Variants in LRRC69 observed in about 807,000 individuals in gnomAD.
LRRC69 encodes leucine rich repeat containing 69.
Under a neutral mutation model 37.8 loss-of-function variants are expected in LRRC69, and 42 were observed. The ratio of observed to expected loss-of-function variants is 1.11; its 90% CI spans 0.87 to 1.44. The LOEUF (loss-of-function observed/expected upper bound fraction) is 1.44, where lower values mean the gene tolerates loss of function less well. Among genes scored for constraint, LRRC69 ranks in the 40% most tolerant of loss-of-function variants. The pLI, the probability that LRRC69 is intolerant of heterozygous loss-of-function variation, is 0.00. For synonymous variants in LRRC69, 141 were observed against 143.1 expected, an observed-to-expected ratio of 0.99 and a Z score of 0.11; for missense variants, 357 against 401.9, an observed-to-expected ratio of 0.89 and a Z score of 0.96.
chr8:91,153,062 G>A (rs10097740), intron 5 of LRRC69, among the ~76,000 whole-genome samples: 4,781 of 151,250 alleles, frequency 0.032, 239 homozygotes, highest in African/African-American at 0.11. Context: ...GCAGATAAAA[G>A]CAGAGGTTGC....
intron 6 of LRRC69, among the ~76,000 whole-genome samples, chr8:91,191,921 T>G (rs140581712): frequency 0.011 from 1,738 of 152,040 alleles, 15 homozygotes; most frequent in South Asian, 0.035. Flanking sequence ...TGCACACATG[T>G]GCCATGCTGG....
chr8:91,134,165 C>T (rs1813862595), intron 4 of LRRC69, among the ~76,000 whole-genome samples: 1 of 151,036 alleles, frequency 6.6e-6, no homozygotes, highest in African/African-American at 2.4e-5. Context: ...CAGGAAGTGA[C>T]AGGGCAGGAG....
chr8:91,154,431 A>T (rs1328881746), intron 5 of LRRC69, among the ~76,000 whole-genome samples: 1 of 151,390 alleles, frequency 6.6e-6, no homozygotes, highest in Non-Finnish European at 1.5e-5. Flanking sequence ...AACAAAAAAA[A>T]CTTCAGGCCA....
chr8:91,204,877 T>C (rs1018656932), intron 7 of LRRC69, among the ~76,000 whole-genome samples: 1 of 152,216 alleles, frequency 6.6e-6, no homozygotes, highest in African/African-American at 2.4e-5. Context: ...AAGGACAACT[T>C]TTTTTCCACC....
intron 5 of LRRC69, among the ~76,000 whole-genome samples, chr8:91,148,958 A>G (rs777709605): frequency 1.1e-4 from 16 of 151,476 alleles, no homozygotes; most frequent in Non-Finnish European, 2.2e-4. Context: ...AATTTGTTTG[A>G]GTTCTTTGTA....
At chr8:91,175,036 T>C (rs1477391094) in intron 5 of LRRC69, among the ~76,000 whole-genome samples, 1 of 152,158 alleles carries the variant, frequency 6.6e-6, no homozygotes, top group Admixed American at 6.5e-5. Flanking sequence ...TTTAGAAATA[T>C]TGGAGGGACT....
At chr8:91,131,235 C>CTTT (rs35337686) in intron 3 of LRRC69, among the ~76,000 whole-genome samples, 12 of 140,224 alleles carry the variant, frequency 8.6e-5, no homozygotes, top group Admixed American at 1.4e-4. Context: ...ATTGATTTGT[C>CTTT]TTTTTTTTTT....
intron 1 of LRRC69, among the ~76,000 whole-genome samples, chr8:91,116,472 T>C (rs548196868): frequency 2.6e-4 from 40 of 152,124 alleles, no homozygotes; most frequent in African/African-American, 9.1e-4. Flanking sequence ...AAAATGAGAA[T>C]TTCATGTATT....
Position 91,213,847 on chromosome 8 carries a change from T to C in LRRC69, c.934-5043T>C, listed in dbSNP as rs540680245. Among the ~76,000 whole-genome samples, 7 of 152,222 alleles carry C rather than the reference T, an allele frequency of 4.6e-5. No homozygotes were observed. In the East Asian group the frequency reaches 1.2e-3, roughly 25 times the overall value. On this transcript the variant is annotated intron_variant, in intron 7 of 7. Coordinates refer to ENST00000448384, the Ensembl canonical transcript of LRRC69. ...TAAATCATGTTCATAGGGCAGTGAA[T>C]CAGTTAGGTTGGTTTGTGGATAGGA...
At chr8:91,197,066 G>C (rs951623213) in intron 6 of LRRC69, among the ~76,000 whole-genome samples, 2 of 151,842 alleles carry the variant, frequency 1.3e-5, no homozygotes, top group African/African-American at 4.8e-5. Flanking sequence ...TAACAGACAG[G>C]ACCCTCAGCT....
intron 5 of LRRC69, among the ~76,000 whole-genome samples, chr8:91,143,941 T>TGG (rs1491523392): frequency 2.4e-4 from 36 of 152,164 alleles, no homozygotes; most frequent in Admixed American, 6.6e-4. Context: ...TCCATTACTC[T>TGG]ATGTCTCACT....
intron 5 of LRRC69, among the ~76,000 whole-genome samples, chr8:91,151,250 G>C (rs754298533): frequency 5.3e-5 from 8 of 150,732 alleles, no homozygotes; most frequent in Non-Finnish European, 1.0e-4. Context: ...TCTACACAGT[G>C]CTTTGCATGT....
At chr8:91,162,581 CT>C (rs976675035) in intron 5 of LRRC69, among the ~76,000 whole-genome samples, 1 of 151,306 alleles carries the variant, frequency 6.6e-6, no homozygotes, top group African/African-American at 2.4e-5. Context: ...CTCCTGCTCA[CT>C]TTTGTTTTCC....
intron 4 of LRRC69, among the ~76,000 whole-genome samples, chr8:91,135,452 T>C (rs887613471): frequency 2.0e-5 from 3 of 152,038 alleles, no homozygotes; most frequent in Non-Finnish European, 4.4e-5. Context: ...CCATGTTATG[T>C]TGCCCTGGAG....
chr8:91,200,716 G>C (rs1809697716), exon 7 of LRRC69: 1 of 1,534,956 alleles, frequency 6.5e-7, no homozygotes, highest in African/African-American at 1.4e-5. Flanking sequence ...ATCTCTCAGG[G>C]AAAAACATGT....
At chr8:91,133,451 A>G (rs1813846101) in intron 4 of LRRC69, 146 bp downstream of exon 4, 1 of 533,206 alleles carries the variant, frequency 1.9e-6, no homozygotes. Flanking sequence ...CCAAATCCCT[A>G]TGACAGAAGA....
chr8:91,209,153 G>T (rs1408344950), intron 7 of LRRC69, among the ~76,000 whole-genome samples: 1 of 152,200 alleles, frequency 6.6e-6, no homozygotes, highest in Non-Finnish European at 1.5e-5. Context: ...GGGGCCAGGC[G>T]TGGTGGCTCA....
intron 7 of LRRC69, among the ~76,000 whole-genome samples, chr8:91,210,086 C>T (rs988566555): frequency 6.6e-5 from 10 of 152,120 alleles, no homozygotes; most frequent in East Asian, 3.9e-4. Context: ...CCAACAACGA[C>T]TTTGGTGGAG....
chr8:91,177,339 ACAAT>A (rs1168888379), intron 5 of LRRC69, among the ~76,000 whole-genome samples: 3 of 152,182 alleles, frequency 2.0e-5, no homozygotes, highest in African/African-American at 7.2e-5. Flanking sequence ...GAAAGATCTG[ACAAT>A]CAATTACTGT....
Sources: allele counts gnomAD v4.1 joint callset (sites outside exome capture counted in the v4.1 genomes callset), GRCh38; gene constraint gnomAD v4.1.1; transcripts MANE v1.5; gene names NCBI Gene and HGNC (gene_info 2026-07-23, HGNC 2026-07-21).